ZBTB20: variants seen among roughly 807,000 people sequenced by gnomAD.
The protein encoded by ZBTB20 is zinc finger and BTB domain containing 20, also known as zinc finger and BTB domain-containing protein 20.
Under a neutral mutation model 56.9 loss-of-function variants are expected in ZBTB20, and 9 were observed. The ratio of observed to expected loss-of-function variants is 0.16; its 90% CI spans 0.10 to 0.28. ZBTB20 has a LOEUF of 0.28. ZBTB20 is among the 10% of genes least tolerant of loss of function. The pLI is 1.00. For missense variants in ZBTB20, 655 were observed against 1,003.0 expected (o/e 0.65, Z 4.69); for synonymous variants, 417 against 420.7 (o/e 0.99, Z 0.11).
At chr3:114,998,741 G>A (rs2079125243) in intron 2 of ZBTB20, among the ~76,000 whole-genome samples, 1 of 151,542 alleles carries the variant, frequency 6.6e-6, no homozygotes, top group Non-Finnish European at 1.5e-5. Context: ...TCACAGAGAT[G>A]TGAATCATGA....
At chr3:114,390,299 G>A (rs926005309) in intron 7 of ZBTB20, among the ~76,000 whole-genome samples, 2 of 152,074 alleles carry the variant, frequency 1.3e-5, no homozygotes, top group Non-Finnish European at 2.9e-5. Context: ...AGGCTGAATA[G>A]TGTTCCATTG....
chr3:114,584,828 C>T (rs1285826406), intron 6 of ZBTB20, among the ~76,000 whole-genome samples: 2 of 152,012 alleles, frequency 1.3e-5, no homozygotes, highest in African/African-American at 2.4e-5. Flanking sequence ...AAGTTTTTTG[C>T]GTCAATATTT....
At chr3:115,116,742 G>C (rs1012012609) in intron 1 of ZBTB20, among the ~76,000 whole-genome samples, 3 of 151,972 alleles carry the variant, frequency 2.0e-5, no homozygotes, top group Admixed American at 2.0e-4. Flanking sequence ...CAGAGAGAAA[G>C]AAAAAGAGAG....
chr3:114,928,464 A>G (rs2076238940), intron 3 of ZBTB20, among the ~76,000 whole-genome samples: 1 of 152,114 alleles, frequency 6.6e-6, no homozygotes, highest in African/African-American at 2.4e-5. Flanking sequence ...GAGAACCTCA[A>G]GGTTCTTCAA....
At chr3:114,493,453 G>T (rs1178889424) in intron 7 of ZBTB20, among the ~76,000 whole-genome samples, 2 of 152,088 alleles carry the variant, frequency 1.3e-5, no homozygotes, top group Admixed American at 1.3e-4. Context: ...TCTTAAGTTT[G>T]CTCCTCTACT....
At chr3:114,846,623 A>G (rs950327098) in intron 4 of ZBTB20, among the ~76,000 whole-genome samples, 1 of 152,248 alleles carries the variant, frequency 6.6e-6, no homozygotes, top group South Asian at 2.1e-4. Flanking sequence ...TGGATCCAAC[A>G]GGAGACTAGT....
intron 5 of ZBTB20, among the ~76,000 whole-genome samples, chr3:114,742,447 G>A (rs1486792453): frequency 6.6e-6 from 1 of 152,034 alleles, no homozygotes; most frequent in South Asian, 2.1e-4. Context: ...GGAAACTGAG[G>A]TGCATTATAA....
intron 6 of ZBTB20, among the ~76,000 whole-genome samples, chr3:114,652,170 A>AATAATTC (rs2060170797): frequency 6.6e-6 from 1 of 152,032 alleles, no homozygotes; most frequent in South Asian, 2.1e-4. Flanking sequence ...GAGACATAGA[A>AATAATTC]AGTTCCTTTG....
chr3:115,032,022 G>T (rs1342389605), intron 2 of ZBTB20, among the ~76,000 whole-genome samples: 1 of 151,392 alleles, frequency 6.6e-6, no homozygotes, highest in African/African-American at 2.4e-5. Context: ...CTTCCTTTGG[G>T]CTTTCAAGGG....
intron 6 of ZBTB20, among the ~76,000 whole-genome samples, chr3:114,579,168 C>T (rs1199809461): frequency 6.6e-6 from 1 of 151,510 alleles, no homozygotes; most frequent in Non-Finnish European, 1.5e-5. Context: ...GATTTCAAGC[C>T]AGAAGTAAAA....
At chr3:114,416,131 T>C (rs1303799547) in intron 7 of ZBTB20, among the ~76,000 whole-genome samples, 1 of 152,056 alleles carries the variant, frequency 6.6e-6, no homozygotes, top group Non-Finnish European at 1.5e-5. Flanking sequence ...GTAAATACTA[T>C]AGTTGAGCAT....
chr3:114,480,770 G>C (rs1577002892), intron 7 of ZBTB20, among the ~76,000 whole-genome samples: 1 of 151,878 alleles, frequency 6.6e-6, no homozygotes, highest in African/African-American at 2.4e-5. Flanking sequence ...GAACACATAG[G>C]GATGTCAGCA....
intron 5 of ZBTB20, among the ~76,000 whole-genome samples, chr3:114,792,968 T>C (rs1407360165): frequency 6.6e-6 from 1 of 150,610 alleles, no homozygotes; most frequent in Non-Finnish European, 1.5e-5. Flanking sequence ...CTCCGCCTCC[T>C]GGGTTTAAGT....
intron 6 of ZBTB20, among the ~76,000 whole-genome samples, chr3:114,648,391 A>T (rs1043657137): frequency 6.6e-6 from 1 of 151,972 alleles, no homozygotes; most frequent in Non-Finnish European, 1.5e-5. Context: ...GTGTCACCAG[A>T]TAAACGAGAA....
chr3:114,625,463 G>A (rs775464103), intron 6 of ZBTB20, among the ~76,000 whole-genome samples: 18 of 152,008 alleles, frequency 1.2e-4, no homozygotes, highest in Non-Finnish European at 2.2e-4. Flanking sequence ...TAAAATGCAA[G>A]GCACTGCAGT....
chr3:115,013,954 G>C (rs898882065), intron 2 of ZBTB20, among the ~76,000 whole-genome samples: 1 of 151,028 alleles, frequency 6.6e-6, no homozygotes, highest in Admixed American at 6.6e-5. Flanking sequence ...GAAAGGAAAT[G>C]AGTATATTGA....
Position 114,480,030 on chromosome 3 carries a change from T to C in ZBTB20, c.-255+20322A>G, listed in dbSNP as rs559016727. On this transcript the variant is annotated intron_variant, in intron 7 of 11. Coordinates refer to ENST00000675478, the MANE Select transcript of ZBTB20 (RefSeq NM_001348800.3). ...TGGATCACTGCTTAAGTAGCCTTTA[T>C]CTTTTCCCCCTAATTTTTGTTGAAG... is the stretch of plus-strand genomic sequence containing the variant. Among the ~76,000 whole-genome samples, 217 of 152,350 alleles carry C rather than the reference T, an allele frequency of 1.4e-3. 1 individual carries two copies. Among genetic ancestry groups the C allele is most frequent in the Admixed American group, 2.4e-3 (36 of 15,306 alleles).
At chr3:114,776,261 G>GA (rs374655709) in intron 5 of ZBTB20, among the ~76,000 whole-genome samples, 7,784 of 136,324 alleles carry the variant, frequency 0.057, 334 homozygotes, top group African/African-American at 0.12. Flanking sequence ...TAATTTAAAT[G>GA]AAAAAAAAAA....
intron 5 of ZBTB20, among the ~76,000 whole-genome samples, chr3:114,703,038 C>G (rs1195263523): frequency 6.6e-6 from 1 of 151,864 alleles, no homozygotes; most frequent in Non-Finnish European, 1.5e-5. Flanking sequence ...GTGTGATCCT[C>G]AAGACCACTG....
Sources: allele counts gnomAD v4.1 joint callset (sites outside exome capture counted in the v4.1 genomes callset), GRCh38; gene constraint gnomAD v4.1.1; transcripts MANE v1.5; gene names NCBI Gene and HGNC (gene_info 2026-07-23, HGNC 2026-07-21).